MCPH1: variants seen among roughly 807,000 people sequenced by gnomAD.
MCPH1 encodes the protein microcephalin 1, also known as microcephalin.
In MCPH1, 104 loss-of-function variants were observed where a neutral mutation model predicts 84.5. The observed-to-expected ratio is 1.23, with a 90% CI of 1.05 to 1.45. MCPH1 has a LOEUF of 1.45. Ranked by LOEUF, MCPH1 falls within the 40% of genes most tolerant of loss-of-function variation. The pLI is 0.00. For synonymous variants in MCPH1, 514 were observed against 366.8 expected (o/e 1.40, Z -4.58); for missense variants, 1,498 against 1,005.7 (o/e 1.49, Z -6.62).
Position 6,625,932 on chromosome 8 carries a change from CT to C in MCPH1, c.2452+4245del, listed in dbSNP as rs1369205932. ...GGAACCTCTCTGAGAAGTTTCTTTTCTTTTCCTTTCTTTATTATTATTAGTA... is the reference window on the plus strand; with the variant it reads ...GGAACCTCTCTGAGAAGTTTCTTTTCTTTCCTTTCTTTATTATTATTAGTA... On this transcript the variant is annotated intron_variant, in intron 13 of 13. Transcript: ENST00000344683. 6.1e-6 allele frequency: 6 copies of C among 984,336 alleles called. No individual in the cohort carries two copies. The African/African-American group carries it at 1.1e-4, about 17-fold the overall frequency. The allele number at this position is 984,336 out of a possible 1,614,324, so 61.0% of individuals were successfully genotyped here.
At chr8:6,554,740 A>G (rs1244272079) in intron 12 of MCPH1, among the ~76,000 whole-genome samples, 5 of 152,202 alleles carry the variant, frequency 3.3e-5, no homozygotes, top group African/African-American at 1.2e-4. Flanking sequence ...AATTACCATC[A>G]GAGGAGCCCT....
chr8:6,471,949 T>G (rs2979655), intron 9 of MCPH1, among the ~76,000 whole-genome samples: 40,414 of 152,096 alleles, frequency 0.27, 6,563 homozygotes, highest in East Asian at 0.46. Flanking sequence ...TTACTGATAA[T>G]TTTCAAAACT....
intron 13 of MCPH1, among the ~76,000 whole-genome samples, chr8:6,638,997 A>G (rs1586898601): frequency 6.6e-6 from 1 of 152,320 alleles, no homozygotes; most frequent in East Asian, 1.9e-4. Flanking sequence ...TTCCTCAGGC[A>G]GCATGTCCTA....
At chr8:6,596,147 T>C (rs1291175374) in intron 12 of MCPH1, among the ~76,000 whole-genome samples, 5 of 152,190 alleles carry the variant, frequency 3.3e-5, no homozygotes, top group African/African-American at 1.2e-4. Flanking sequence ...AAGCCACGTG[T>C]GACACATCTT....
At chr8:6,412,908 A>T (rs557967986) in intron 2 of MCPH1, among the ~76,000 whole-genome samples, 2 of 152,236 alleles carry the variant, frequency 1.3e-5, no homozygotes, top group African/African-American at 4.8e-5. Context: ...AATGAAAAGA[A>T]AGAGAAACCA....
Position 6,445,328 on chromosome 8 carries a change from A to G in MCPH1, c.1606A>G (p.Lys536Glu), listed in dbSNP as rs773600678. ...CACCATTGAGGACCCTGCTCTTCCA[A>G]AAGGACATGATGATGATTTAACTCC... The part of the protein sequence containing the change: ...SYTIEDPALP[K>E]GHDDDLTPLE... Residue 536 changes from lysine (K) to glutamate (E), a missense_variant, in exon 8 of 14, where the codon AAA becomes GAA. Transcript: ENST00000344683. 3.1e-6 allele frequency: 5 copies of G among 1,614,258 alleles called. No individual in the cohort carries two copies. Among genetic ancestry groups the G allele is most frequent in the Non-Finnish European group, 3.4e-6 (4 of 1,180,040 alleles).
chr8:6,468,882 A>G (rs1192887864), intron 9 of MCPH1, among the ~76,000 whole-genome samples: 1 of 152,160 alleles, frequency 6.6e-6, no homozygotes, highest in Non-Finnish European at 1.5e-5. Flanking sequence ...TGAAGTTTTG[A>G]AACTGTTACT....
intron 9 of MCPH1, among the ~76,000 whole-genome samples, chr8:6,471,563 AGAG>A (rs1251835750): frequency 2.6e-5 from 4 of 152,212 alleles, no homozygotes; most frequent in African/African-American, 9.6e-5. Flanking sequence ...TCCAGAATAT[AGAG>A]TGTTAAAATA....
chr8:6,585,486 C>T (rs909646233), intron 12 of MCPH1, among the ~76,000 whole-genome samples: 5 of 152,242 alleles, frequency 3.3e-5, no homozygotes, highest in South Asian at 2.1e-4. Context: ...GAGCCATTGT[C>T]GGCCGCCTCG....
intron 12 of MCPH1, chr8:6,514,858 C>T: frequency 2.4e-6 from 3 of 1,247,862 alleles, no homozygotes; most frequent in Non-Finnish European, 3.5e-6. Context: ...GGAATGTAGA[C>T]CCTGAGTGCA....
chr8:6,524,642 A>G (rs1344364019), intron 12 of MCPH1, among the ~76,000 whole-genome samples: 4 of 152,246 alleles, frequency 2.6e-5, no homozygotes, highest in Non-Finnish European at 5.9e-5. Context: ...AAATCAAGAA[A>G]TGAAAGCATC....
chr8:6,602,689 C>T (rs1307251474), intron 12 of MCPH1, among the ~76,000 whole-genome samples: 1 of 152,106 alleles, frequency 6.6e-6, no homozygotes, highest in Admixed American at 6.5e-5. Context: ...TGTTTACAAG[C>T]TCCAGGTATT....
chr8:6,628,784 G>C (rs2129581908), intron 13 of MCPH1, among the ~76,000 whole-genome samples: 1 of 152,328 alleles, frequency 6.6e-6, no homozygotes, highest in Non-Finnish European at 1.5e-5. Flanking sequence ...GGATCAGAAA[G>C]GTTAATGGAC....
intron 12 of MCPH1, among the ~76,000 whole-genome samples, chr8:6,583,373 C>G (rs1179116294): frequency 6.6e-6 from 1 of 152,146 alleles, no homozygotes; most frequent in Non-Finnish European, 1.5e-5. Context: ...CAAACAAAAA[C>G]ACACACAAAT....
At chr8:6,601,136 G>C (rs1323368559) in intron 12 of MCPH1, among the ~76,000 whole-genome samples, 1 of 152,108 alleles carries the variant, frequency 6.6e-6, no homozygotes, top group Non-Finnish European at 1.5e-5. Flanking sequence ...ACCACCTGGA[G>C]ACAGAGTCCA....
intron 12 of MCPH1, among the ~76,000 whole-genome samples, chr8:6,594,708 TGC>T (rs1828789131): frequency 8.1e-6 from 1 of 124,034 alleles, no homozygotes; most frequent in Non-Finnish European, 1.9e-5. Context: ...TGCAGGGGAC[TGC>T]AGGGGACTGC....
rs147755288 is a variant in MCPH1, at chr8:6,483,688, C to T, written c.2136+2812C>T. 2.5e-3 allele frequency among the ~76,000 whole-genome samples: 385 copies of T among 152,122 alleles called. 4 individuals are homozygous for T. The highest frequency in any genetic ancestry group is 9.0e-3 in the African/African-American group (372 of 41,498). On this transcript the variant is annotated intron_variant, in intron 11 of 13. Coordinates refer to ENST00000344683, the MANE Select transcript of MCPH1 (RefSeq NM_024596.5). ...CAGCCTGGCCAACATGGTGAAACCC[C>T]GTCTCTACCAAAAATAAAAAAACTA...
At chr8:6,561,064 A>G (rs550100505) in intron 12 of MCPH1, among the ~76,000 whole-genome samples, 1 of 152,348 alleles carries the variant, frequency 6.6e-6, no homozygotes, top group South Asian at 2.1e-4. Flanking sequence ...AAGAAATAGG[A>G]AGTTCAAGTT....
At chr8:6,593,114 G>T (rs1306731513) in intron 12 of MCPH1, among the ~76,000 whole-genome samples, 2 of 122,574 alleles carry the variant, frequency 1.6e-5, no homozygotes, top group Admixed American at 9.8e-5. Context: ...ACAGAGTTTC[G>T]CTCTTGTTGC....
Sources: allele counts gnomAD v4.1 joint callset (sites outside exome capture counted in the v4.1 genomes callset), GRCh38; gene constraint gnomAD v4.1.1; transcripts MANE v1.5; gene names NCBI Gene and HGNC (gene_info 2026-07-23, HGNC 2026-07-21).